The following HSPG2 variants were observed in gnomAD, a reference collection of about 807,000 sequenced individuals.
HSPG2 encodes heparan sulfate proteoglycan 2, also known as basement membrane-specific heparan sulfate proteoglycan core protein.
In HSPG2, 278 loss-of-function variants were observed where a neutral mutation model predicts 526.6. The ratio of observed to expected loss-of-function variants is 0.53; its 90% CI spans 0.48 to 0.58. The LOEUF is 0.58. Ranked by LOEUF, HSPG2 falls within the 20% of genes least tolerant of loss-of-function variation. The pLI, the probability that HSPG2 is intolerant of heterozygous loss-of-function variation, is 0.00. For missense variants in HSPG2, 5,354 were observed against 6,099.5 expected, an observed-to-expected ratio of 0.88 and a Z score of 4.07; for synonymous variants, 2,465 against 2,555.4, an observed-to-expected ratio of 0.96 and a Z score of 1.07.
chr1:21,848,532 A>G lies in HSPG2; in HGVS notation c.7737+111T>C. 3 of 1,269,010 alleles carry G rather than the reference A, an allele frequency of 2.4e-6. No individual in the cohort carries two copies. Among genetic ancestry groups the G allele is most frequent in the African/African-American group, 1.5e-5 (1 of 68,236 alleles). 78.6% of individuals were successfully genotyped at this position (1,269,010 alleles called of 1,614,324 possible). A position where few individuals can be genotyped will look rare whatever the true frequency, so the allele number is the denominator to read the frequency against. On this transcript the variant is annotated intron_variant, in intron 59 of 96. Coordinates refer to ENST00000374695, the MANE Select transcript of HSPG2 (RefSeq NM_005529.7). This position sits in a 1 kb window ranked among gnomAD's most constrained non-coding sequence, Gnocchi z 4.9. ...AGGACCCATCCAGCAAGGATACTCAATGTTTGTTGAATGACTGAATGAGCA... is the reference window on the plus strand; with the variant it reads ...AGGACCCATCCAGCAAGGATACTCAGTGTTTGTTGAATGACTGAATGAGCA...
chr1:21,870,337 C>A lies in HSPG2; in HGVS notation c.4221+1849G>T, dbSNP rs535218117. 3.2e-3 allele frequency: 3,120 copies of A among 975,884 alleles called. 4 individuals are homozygous for A. Among genetic ancestry groups the A allele is most frequent in the Non-Finnish European group, 3.6e-3 (2,986 of 820,906 alleles). 60.5% of individuals were successfully genotyped at this position (975,884 alleles called of 1,614,324 possible). On this transcript the variant is annotated intron_variant, in intron 33 of 96. Coordinates refer to ENST00000374695, the MANE Select transcript of HSPG2 (RefSeq NM_005529.7). ...GTTCTGATGAAATGGAGGGAGCAGG[C>A]GAGCTAAGACCTCCCAAAGTCCTGG...
intron 69 of HSPG2, 127 bp downstream of exon 69, chr1:21,841,874 AG>A (rs1324317570): frequency 7.2e-7 from 1 of 1,386,270 alleles, no homozygotes; most frequent in African/African-American, 1.4e-5. Flanking sequence ...AGAGACGGGA[AG>A]GGCCTTACTC....
intron 1 of HSPG2, among the ~76,000 whole-genome samples, chr1:21,929,306 C>T (rs572439190): frequency 1.6e-4 from 25 of 152,244 alleles, no homozygotes; most frequent in African/African-American, 4.6e-4. Context: ...TGGGTGGGGA[C>T]GGGGGAGCTC....
intron 6 of HSPG2, among the ~76,000 whole-genome samples, chr1:21,889,387 G>T (rs1017598024): frequency 6.6e-6 from 1 of 152,188 alleles, no homozygotes. Flanking sequence ...GCACCTAACC[G>T]CTGTGTGGCT....
intron 1 of HSPG2, among the ~76,000 whole-genome samples, chr1:21,897,779 C>T (rs953480257): frequency 2.6e-5 from 4 of 152,120 alleles, no homozygotes; most frequent in Non-Finnish European, 5.9e-5. Context: ...GAAGGGGGCA[C>T]AAGAGACACT....
rs752494176 is a variant in HSPG2 at position 21,852,107 on chromosome 1, C to G, written c.6851G>C (p.Ser2284Thr). 1.2e-6 allele frequency: 2 copies of G among 1,613,548 alleles called. No individual in the cohort carries two copies. Among genetic ancestry groups the G allele is most frequent in the East Asian group, 4.5e-5 (2 of 44,880 alleles). Residue 2284 changes from serine (S) to threonine (T), a missense_variant, in exon 53 of 97, where the codon AGC becomes ACC. Physicochemically the swap from Ser to Thr is moderately conservative, Grantham distance 58. Coordinates refer to ENST00000374695, the MANE Select transcript of HSPG2 (RefSeq NM_005529.7). ...CTGTACCTGGTGCCGGGCAGGGAGG[C>G]TGCCCCCACGCTTGTACCATGTGAC... ...AQVTWYKRGG[S>T]LPARHQVRGS...
At chr1:21,883,609 G>A (rs1017294105) in intron 13 of HSPG2, among the ~76,000 whole-genome samples, 3 of 152,196 alleles carry the variant, frequency 2.0e-5, no homozygotes, top group African/African-American at 7.2e-5. Context: ...ACAGGCATAA[G>A]CCACCATGCC....
intron 67 of HSPG2, 118 bp from the exon 68 acceptor site, chr1:21,842,498 A>C: frequency 8.2e-7 from 1 of 1,220,822 alleles, no homozygotes; most frequent in Non-Finnish European, 1.1e-6. Context: ...CTCAGCTGGT[A>C]GGGCTGGTGG....
chr1:21,843,162 G>A, intron 66 of HSPG2, 135 bp downstream of exon 66: 1 of 1,313,200 alleles, frequency 7.6e-7, no homozygotes, highest in Non-Finnish European at 1.1e-6. Flanking sequence ...CACCTGGGTT[G>A]GCTTGATCCT....
At position 21,831,170 on chromosome 1, in the gene HSPG2, G is replaced by A. The variant is rs571609255; in HGVS notation, c.11562+45C>T. 63 of 1,600,926 alleles carry A rather than the reference G, an allele frequency of 3.9e-5. No individual in the cohort carries two copies. The Admixed American group carries it at 9.0e-4, about 23-fold the overall frequency. ...CCCACAGGGGCCAGCCATGGCTAGG[G>A]GTGGAGGCCACGGCAGCCAGGTGGT... On this transcript the variant is annotated intron_variant, in intron 84 of 96. Coordinates refer to ENST00000374695, the MANE Select transcript of HSPG2 (RefSeq NM_005529.7).
chr1:21,893,006 T>G lies in HSPG2; in HGVS notation c.245-2312A>C, dbSNP rs934319893. ...CTCTCCCTCCTCTCACCCTATCTGGTGAGTTCCCTTGGAGCCAGAGGCCGG... is the reference window on the plus strand; with the variant it reads ...CTCTCCCTCCTCTCACCCTATCTGGGGAGTTCCCTTGGAGCCAGAGGCCGG... On this transcript the variant is annotated intron_variant, in intron 3 of 96. Transcript: ENST00000374695. The surrounding 1 kb of genome is among the most constrained non-coding windows in gnomAD (Gnocchi z 4.3). Among the ~76,000 whole-genome samples, 13 of 152,074 alleles carry G rather than the reference T, an allele frequency of 8.5e-5. No homozygotes were observed. The highest frequency in any genetic ancestry group is 1.3e-4 in the Non-Finnish European group (9 of 68,010).
At chr1:21,880,977 G>A in intron 14 of HSPG2, 142 bp from the exon 15 acceptor site, 1 of 909,404 alleles carries the variant, frequency 1.1e-6, no homozygotes, top group East Asian at 2.6e-5. Context: ...GCTAGGCACA[G>A]GGAAACCGAG....
At chr1:21,912,979 C>CA (rs34148570) in intron 1 of HSPG2, among the ~76,000 whole-genome samples, 2,223 of 97,492 alleles carry the variant, frequency 0.023, 18 homozygotes, top group South Asian at 0.036. Context: ...GGCTCTAGCT[C>CA]AAAAAAAAAA....
At chr1:21,900,628 G>A (rs1214270694) in intron 1 of HSPG2, among the ~76,000 whole-genome samples, 1 of 152,160 alleles carries the variant, frequency 6.6e-6, no homozygotes, top group Non-Finnish European at 1.5e-5. Context: ...TGGAGAGAAG[G>A]AGGGAGAGGT....
chr1:21,865,007 G>C lies in HSPG2; in HGVS notation c.4462C>G (p.Leu1488Val), dbSNP rs1226912766. ...GTGGCCCGGATCAGGAGCTCATCCA[G>C]GTCGGCCAGTGCCATCAGGAGGTGC... ...REHLLMALAD[L>V]DELLIRATFS... The change falls in exon 36 of 97, where the codon CTG becomes GTG. Residue 1488 changes from leucine to valine, a missense_variant. Leu to Val is a conservative substitution (Grantham distance 32, BLOSUM62 1). Coordinates refer to ENST00000374695, the MANE Select transcript of HSPG2 (RefSeq NM_005529.7). The surrounding 1 kb of genome is among the most constrained non-coding windows in gnomAD (Gnocchi z 5.4). 23 of 1,579,880 alleles carry C rather than the reference G, an allele frequency of 1.5e-5. No individual in the cohort carries two copies. Among genetic ancestry groups the C allele is most frequent in the Non-Finnish European group, 1.9e-5 (22 of 1,165,298 alleles).
intron 81 of HSPG2, 99 bp downstream of exon 81, chr1:21,832,396 C>T (rs1262519926): frequency 2.0e-6 from 2 of 990,352 alleles, no homozygotes; most frequent in Admixed American, 3.6e-5. Context: ...TTTTCTCCTT[C>T]CTCCAGATCT....
Position 21,904,182 on chromosome 1 carries a change from G to A in HSPG2, c.64-7872C>T, listed in dbSNP as rs985613868. Among the ~76,000 whole-genome samples, 24 of 152,336 alleles carry A rather than the reference G, an allele frequency of 1.6e-4. No homozygotes were observed. Among genetic ancestry groups the A allele is most frequent in the African/African-American group, 5.8e-4 (24 of 41,574 alleles). ...TGCTGAAGGGGAAGGAAGGGGGCCG[G>A]CAGAGCCCAGGGGAGGGTCCCCTCA... is the stretch of plus-strand genomic sequence containing the variant. On this transcript the variant is annotated intron_variant, in intron 1 of 96. Coordinates refer to ENST00000374695, the MANE Select transcript of HSPG2 (RefSeq NM_005529.7). The surrounding 1 kb of genome is among the most constrained non-coding windows in gnomAD (Gnocchi z 4.4).
intron 63 of HSPG2, 74 bp from the exon 64 acceptor site, chr1:21,846,329 T>C: frequency 6.2e-7 from 1 of 1,609,404 alleles, no homozygotes; most frequent in Non-Finnish European, 8.5e-7. Flanking sequence ...GGCCAGGGTC[T>C]AACCTCTGAC....
intron 1 of HSPG2, among the ~76,000 whole-genome samples, chr1:21,918,109 G>C (rs1168802769): frequency 6.6e-6 from 1 of 152,092 alleles, no homozygotes; most frequent in Non-Finnish European, 1.5e-5. Context: ...CGAGCCTCCT[G>C]TGATCCCAGC....
Sources: allele counts gnomAD v4.1 joint callset (sites outside exome capture counted in the v4.1 genomes callset), GRCh38; gene constraint gnomAD v4.1.1; non-coding constraint Gnocchi (gnomAD v3.1); transcripts MANE v1.5; gene names NCBI Gene and HGNC (gene_info 2026-07-23, HGNC 2026-07-21).